The following CSTPP1 variants were observed in gnomAD, a reference collection of about 807,000 sequenced individuals.
CSTPP1 encodes UPF0705 protein C11orf49.
At chr11:47,065,217 T>A in the CSTPP1 span, among the ~76,000 whole-genome samples, 1 of 152,232 alleles carries the variant, frequency 6.6e-6, no homozygotes, top group African/African-American at 2.4e-5. Flanking sequence ...TATAGATCAC[T>A]TTCGGTGGTA....
At chr11:47,124,282 C>G in the CSTPP1 span, among the ~76,000 whole-genome samples, 3 of 151,572 alleles carry the variant, frequency 2.0e-5, no homozygotes, top group African/African-American at 7.3e-5. Context: ...TGCCACCACG[C>G]CTGGCTAGTT....
At chr11:47,049,929 A>G in the CSTPP1 span, among the ~76,000 whole-genome samples, 1 of 152,188 alleles carries the variant, frequency 6.6e-6, no homozygotes, top group Non-Finnish European at 1.5e-5. Context: ...AAGGGAAAGA[A>G]GAATGGATAA....
the CSTPP1 span, chr11:46,987,417 G>A: frequency 2.1e-6 from 2 of 956,438 alleles, no homozygotes; most frequent in East Asian, 2.4e-5. Context: ...GGTAGTGGCA[G>A]TGAATGTTTA....
chr11:47,097,247 C>G, the CSTPP1 span, among the ~76,000 whole-genome samples: 2 of 117,898 alleles, frequency 1.7e-5, no homozygotes, highest in East Asian at 5.4e-4. Context: ...CCCCTCTGCC[C>G]GGCCAGCCGC....
chr11:47,161,545 G>T, the CSTPP1 span: 3 of 1,614,126 alleles, frequency 1.9e-6, no homozygotes, highest in Non-Finnish European at 2.5e-6. Flanking sequence ...CCCCTCCCCG[G>T]GTTGGCTCTC....
At chr11:47,011,903 C>T in the CSTPP1 span, among the ~76,000 whole-genome samples, 1 of 152,132 alleles carries the variant, frequency 6.6e-6, no homozygotes, top group South Asian at 2.1e-4. Context: ...TATTGAAGGC[C>T]TACTGCACCC....
At chr11:46,980,298 G>T in the CSTPP1 span, among the ~76,000 whole-genome samples, 1 of 152,166 alleles carries the variant, frequency 6.6e-6, no homozygotes, top group Admixed American at 6.5e-5. Context: ...CACAGGTGAT[G>T]TTAGCATATG....
chr11:47,147,099 T>C, the CSTPP1 span, among the ~76,000 whole-genome samples: 9 of 152,286 alleles, frequency 5.9e-5, no homozygotes, highest in African/African-American at 2.2e-4. Context: ...TGAAATGGTA[T>C]CTGTAATGCT....
At chr11:46,988,500 A>G in the CSTPP1 span, among the ~76,000 whole-genome samples, 1 of 152,184 alleles carries the variant, frequency 6.6e-6, no homozygotes, top group East Asian at 1.9e-4. Context: ...TGTTTGTGGG[A>G]TGTAAAAATC....
At chr11:47,092,912 AG>A in the CSTPP1 span, among the ~76,000 whole-genome samples, 210 of 152,306 alleles carry the variant, frequency 1.4e-3, 1 homozygote, top group Non-Finnish European at 2.5e-3. Context: ...TTACAGGGGC[AG>A]GGATTTTCGT....
the CSTPP1 span, chr11:47,161,783 G>A: frequency 2.8e-6 from 4 of 1,419,232 alleles, no homozygotes; most frequent in Non-Finnish European, 3.7e-6. Flanking sequence ...CAGCCAGAGG[G>A]GCTCTGATGA....
chr11:47,087,592 A>G, the CSTPP1 span, among the ~76,000 whole-genome samples: 5 of 152,188 alleles, frequency 3.3e-5, no homozygotes, highest in African/African-American at 1.2e-4. Flanking sequence ...CCAGCTACTC[A>G]GGAGGCTGAG....
the CSTPP1 span, among the ~76,000 whole-genome samples, chr11:47,093,788 G>A: frequency 6.6e-6 from 1 of 152,310 alleles, no homozygotes; most frequent in South Asian, 2.1e-4. Flanking sequence ...TAATGCATGA[G>A]AATTGTCTCA....
chr11:47,036,052 TA>T, the CSTPP1 span, among the ~76,000 whole-genome samples: 4 of 12,020 alleles, frequency 3.3e-4, 2 homozygotes, highest in African/African-American at 2.5e-3. Flanking sequence ...TATATATATA[TA>T]TATTATATAT....
chr11:46,950,971 T>G, the CSTPP1 span, among the ~76,000 whole-genome samples: 1 of 151,980 alleles, frequency 6.6e-6, no homozygotes, highest in Non-Finnish European at 1.5e-5. Context: ...CCATCTAGAG[T>G]AATTCTCATA....
the CSTPP1 span, among the ~76,000 whole-genome samples, chr11:47,001,200 A>G: frequency 6.6e-6 from 1 of 152,182 alleles, no homozygotes; most frequent in African/African-American, 2.4e-5. Flanking sequence ...GCTACTGAGA[A>G]TGGAGTACCC....
chr11:47,144,131 G>T, the CSTPP1 span, among the ~76,000 whole-genome samples: 1 of 152,158 alleles, frequency 6.6e-6, no homozygotes, highest in Non-Finnish European at 1.5e-5. Flanking sequence ...GTGTTTGTAA[G>T]ATTTCAGTAA....
the CSTPP1 span, among the ~76,000 whole-genome samples, chr11:46,990,830 T>G: frequency 6.6e-6 from 1 of 152,188 alleles, no homozygotes; most frequent in Non-Finnish European, 1.5e-5. Context: ...AGGGTCCAGT[T>G]TCATTCTTCT....
chr11:47,119,082 TAGG>T, the CSTPP1 span, among the ~76,000 whole-genome samples: 18 of 152,388 alleles, frequency 1.2e-4, no homozygotes, highest in African/African-American at 3.8e-4. Flanking sequence ...TTAGAGGCAG[TAGG>T]CCTTGTAGAG....
Sources: gnomAD v4.1 joint callset for allele counts (sites outside exome capture counted in the v4.1 genomes callset) on GRCh38, gnomAD v4.1.1 for gene constraint, MANE v1.5 for transcripts, NCBI Gene and HGNC (gene_info 2026-07-23, HGNC 2026-07-21) for gene names.